Variants in FYCO1 observed in about 807,000 individuals in gnomAD.
FYCO1 encodes the protein FYVE and coiled-coil domain autophagy adaptor 1, also known as FYVE and coiled-coil domain-containing protein 1.
A neutral mutation model predicts 165.1 loss-of-function variants in FYCO1; 122 were observed. The ratio of observed to expected loss-of-function variants is 0.74; its 90% CI spans 0.64 to 0.86. FYCO1 has a LOEUF of 0.86. Among genes scored for constraint, FYCO1 ranks in the 40% least tolerant of loss-of-function variants. The probability of loss-of-function intolerance (pLI) is 0.00; values close to 1 mark genes in which losing one functional copy is unlikely to be tolerated. For missense variants in FYCO1, 1,702 were observed against 1,810.3 expected (o/e 0.94, Z 1.09); for synonymous variants, 648 against 742.5 (o/e 0.87, Z 2.07).
chr3:45,974,998 C>A (rs1706664693), intron 5 of FYCO1, among the ~76,000 whole-genome samples: 2 of 152,098 alleles, frequency 1.3e-5, no homozygotes, highest in African/African-American at 4.8e-5. Context: ...ACGGGTGAGG[C>A]CTAGAGAAAA....
chr3:45,940,828 A>T (rs1357846236), intron 14 of FYCO1: 1 of 152,094 alleles, frequency 6.6e-6, no homozygotes, highest in Admixed American at 6.6e-5. Flanking sequence ...GTTGCTGCAG[A>T]CCCATATGGA....
At chr3:45,960,153 G>A (rs1267155705) in intron 11 of FYCO1, among the ~76,000 whole-genome samples, 1 of 152,220 alleles carries the variant, frequency 6.6e-6, no homozygotes, top group Non-Finnish European at 1.5e-5. Flanking sequence ...CTGATGCACT[G>A]GAGGGGGAGG....
intron 5 of FYCO1, among the ~76,000 whole-genome samples, chr3:45,974,427 A>C (rs1378092477): frequency 6.6e-6 from 1 of 152,192 alleles, no homozygotes; most frequent in Admixed American, 6.5e-5. Context: ...CTTCAAATCA[A>C]ATATGCAAAC....
intron 14 of FYCO1, among the ~76,000 whole-genome samples, chr3:45,951,520 A>T (rs1705027482): frequency 6.6e-6 from 1 of 152,204 alleles, no homozygotes; most frequent in African/African-American, 2.4e-5. Context: ...AGGGAGCCAC[A>T]GCCCAGTGCC....
At chr3:45,923,145 A>G (rs1043725127) in intron 17 of FYCO1, among the ~76,000 whole-genome samples, 1 of 151,986 alleles carries the variant, frequency 6.6e-6, no homozygotes, top group Non-Finnish European at 1.5e-5. Context: ...CAGAGATGGC[A>G]CCTGTCGCTC....
At chr3:45,985,497 C>A (rs1707266664) in intron 1 of FYCO1, among the ~76,000 whole-genome samples, 1 of 152,194 alleles carries the variant, frequency 6.6e-6, no homozygotes, top group Non-Finnish European at 1.5e-5. Flanking sequence ...TCTAGCCAGG[C>A]AGTGCTAGTT....
At chr3:45,991,193 T>C (rs899939384) in intron 1 of FYCO1, among the ~76,000 whole-genome samples, 3 of 152,232 alleles carry the variant, frequency 2.0e-5, no homozygotes, top group Non-Finnish European at 4.4e-5. Flanking sequence ...CATGTAGAAA[T>C]TGTGAACATT....
At chr3:45,974,139 G>A (rs1422856566) in intron 5 of FYCO1, among the ~76,000 whole-genome samples, 3 of 152,162 alleles carry the variant, frequency 2.0e-5, no homozygotes, top group African/African-American at 7.2e-5. Context: ...AGCACTTTGG[G>A]AGGCCTAGGC....
At chr3:45,940,628 G>C (rs1376392506) in intron 14 of FYCO1, among the ~76,000 whole-genome samples, 1 of 152,094 alleles carries the variant, frequency 6.6e-6, no homozygotes, top group African/African-American at 2.4e-5. Context: ...AGGGCCGGAT[G>C]GGGCACTTGG....
chr3:45,975,146 G>A, intron 5 of FYCO1, 93 bp downstream of exon 5: 2 of 874,932 alleles, frequency 2.3e-6, no homozygotes, highest in South Asian at 2.6e-5. Context: ...GGACACAAAT[G>A]AGCACTACTG....
At chr3:45,959,972 T>C (rs1015812684) in intron 11 of FYCO1, among the ~76,000 whole-genome samples, 1 of 152,208 alleles carries the variant, frequency 6.6e-6, no homozygotes, top group African/African-American at 2.4e-5. Flanking sequence ...GTTTCTATGG[T>C]TGATCCAAGT....
intron 15 of FYCO1, among the ~76,000 whole-genome samples, chr3:45,935,902 A>G (rs925294250): frequency 3.3e-5 from 5 of 152,210 alleles, no homozygotes; most frequent in African/African-American, 1.2e-4. Flanking sequence ...TTTAATGACA[A>G]TTATGCAGCC....
Position 45,962,277 on chromosome 3 carries a change from C to G in FYCO1, c.3385G>C (p.Asp1129His). ...NDQKMLADLD[D>H]LNRTKKYLEE... ...AGATACTTCTTGGTTCTGTTGAGGT[C>G]ATCCAGGTCAGCAAGCATCTTCTGG... The change falls in exon 11 of 18, where the codon GAC becomes CAC. Residue 1129 changes from aspartate (D) to histidine (H), a missense_variant. By Grantham distance (81) the Asp-to-His change is moderately conservative. Transcript: ENST00000296137. This position sits in a 1 kb window ranked among gnomAD's most constrained non-coding sequence, Gnocchi z 4.4. 6.2e-7 allele frequency: 1 copy of G among 1,614,226 alleles called. No individual in the cohort carries two copies. The highest frequency in any genetic ancestry group is 1.1e-5 in the South Asian group (1 of 91,080).
chr3:45,931,191 G>A lies in FYCO1; in HGVS notation c.4131C>T (p.Ile1377=). ...LFVRSSTYSL[I]PITVAEAGLT... is the part of the protein sequence containing the mutation. ...GGCCTGCCTCGGCCACAGTGATGGG[G>A]ATCAGGCTGTAGGTGCTGGACCTCA... Residue 1377 remains isoleucine, a synonymous_variant, in exon 16 of 18, where the codon ATC becomes ATT. Coordinates refer to ENST00000296137, the MANE Select transcript of FYCO1 (RefSeq NM_024513.4). 6.2e-7 allele frequency: 1 copy of A among 1,614,102 alleles called. No individual in the cohort carries two copies. The highest frequency in any genetic ancestry group is 2.2e-5 in the East Asian group (1 of 44,888).
chr3:45,926,402 A>G (rs921648774), intron 16 of FYCO1, among the ~76,000 whole-genome samples: 3 of 152,240 alleles, frequency 2.0e-5, no homozygotes, highest in Non-Finnish European at 4.4e-5. Flanking sequence ...ATATCAAAGA[A>G]TATTACCAGG....
chr3:45,940,404 G>C (rs976088345), intron 14 of FYCO1, among the ~76,000 whole-genome samples: 5 of 152,206 alleles, frequency 3.3e-5, no homozygotes, highest in Admixed American at 3.3e-4. Flanking sequence ...CAAAATGGCA[G>C]TTTAACCGGT....
At chr3:45,926,507 CAA>C (rs1703325394) in intron 16 of FYCO1, among the ~76,000 whole-genome samples, 1 of 152,096 alleles carries the variant, frequency 6.6e-6, no homozygotes, top group Non-Finnish European at 1.5e-5. Context: ...ATACATGATA[CAA>C]AAAGTGGTAG....
Position 45,976,364 on chromosome 3 carries a change from GC to G in FYCO1, c.289-1020del, listed in dbSNP as rs1268182904. On this transcript the variant is annotated intron_variant, in intron 4 of 17. Transcript: ENST00000296137. Reference sequence around the variant, plus strand: ...CTCTGTCAGCTGGGAGCATATAATGGCCAAGGCGGATGGAATAAAAGGGACA... The same window carrying G: ...CTCTGTCAGCTGGGAGCATATAATGGCAAGGCGGATGGAATAAAAGGGACA... 9.2e-5 allele frequency among the ~76,000 whole-genome samples: 14 copies of G among 152,222 alleles called. No homozygotes were observed. In the East Asian group the frequency reaches 2.7e-3, roughly 29 times the overall value.
At position 45,958,609 on chromosome 3, in the gene FYCO1, G is replaced by A. The variant is rs747110867; in HGVS notation, c.3598C>T (p.Arg1200Cys). Residue 1200 changes from arginine (R) to cysteine (C), a missense_variant, in exon 13 of 18, where the codon CGC (arginine) becomes TGC (cysteine). Arg to Cys is a radical substitution (Grantham distance 180). Transcript: ENST00000296137. ...TTGCAGCAGTAGTAACAGAAGATGC[G>A]GCCACATATCCTGGGAACAAAACAA... ...VRRHHCRICG[R>C]IFCYYCCNNY... 7 of 1,614,174 alleles carry A rather than the reference G, an allele frequency of 4.3e-6. No individual in the cohort carries two copies. The highest frequency in any genetic ancestry group is 1.1e-5 in the South Asian group (1 of 91,080).
Sources: allele counts gnomAD v4.1 joint callset (sites outside exome capture counted in the v4.1 genomes callset), GRCh38; gene constraint gnomAD v4.1.1; non-coding constraint Gnocchi (gnomAD v3.1); transcripts MANE v1.5; gene names NCBI Gene and HGNC (gene_info 2026-07-23, HGNC 2026-07-21).